The following SPATA24 variants were observed in gnomAD, a reference collection of about 807,000 sequenced individuals.
The protein encoded by SPATA24 is spermatogenesis associated 24.
A neutral mutation model predicts 28.9 loss-of-function variants in SPATA24; 21 were observed. The ratio of observed to expected loss-of-function variants is 0.73; its 90% confidence interval spans 0.52 to 1.05. The LOEUF (loss-of-function observed/expected upper bound fraction) is 1.05. SPATA24 is among the 50% of genes least tolerant of loss of function. The pLI, the probability that SPATA24 is intolerant of heterozygous loss-of-function variation, is 0.00. For synonymous variants in SPATA24, 76 were observed against 89.9 expected, an observed-to-expected ratio of 0.85 and a Z score of 0.88; for missense variants, 215 against 242.9, an observed-to-expected ratio of 0.88 and a Z score of 0.76.
At chr5:139,396,446 T>C (rs1003964055), downstream of SPATA24, 1 of 1,123,954 alleles carries the variant, frequency 8.9e-7, no homozygotes, top group Admixed American at 4.5e-5. Context: ...GAAACTGACT[T>C]CCCAAATTCC....
At chr5:139,393,472 G>A, downstream of SPATA24, 1 of 1,551,674 alleles carries the variant, frequency 6.4e-7, no homozygotes, top group Non-Finnish European at 8.7e-7. Flanking sequence ...CCCATTCTGA[G>A]CTTCCTGAGT....
At chr5:139,393,537 G>A (rs1472709170), downstream of SPATA24, 2 of 1,551,288 alleles carry the variant, frequency 1.3e-6, no homozygotes. Context: ...GGGGAGATGG[G>A]CCCCAAGTTC....
At position 139,399,951 on chromosome 5, in the gene SPATA24, T is replaced by C. The variant is rs374527177; in HGVS notation, c.385+1804A>G. ...CCAGGAAAGAACCCCAGGTTCTTTT[T>C]TGGGAAGTAAGGGGATGCCCAGGGA... is the stretch of plus-strand genomic sequence containing the variant. On this transcript the variant is annotated intron_variant, in intron 4 of 5. Coordinates refer to ENST00000450845, the MANE Select transcript of SPATA24 (RefSeq NM_194296.2). Among the ~76,000 whole-genome samples the C allele has an allele frequency of 1.1e-4, 17 of 152,272 alleles. No individual in the cohort carries two copies. In the East Asian group the frequency reaches 1.7e-3, roughly 16 times the overall value.
At chr5:139,397,804 C>T (rs1181205034) in intron 4 of SPATA24, among the ~76,000 whole-genome samples, 1 of 152,232 alleles carries the variant, frequency 6.6e-6, no homozygotes, top group Non-Finnish European at 1.5e-5. Context: ...ATCCACCCAC[C>T]TCAGCCTCCC....
rs974164578 is a variant in SPATA24 at position 139,404,072 on chromosome 5, G to T, written c.-12C>A. On this transcript the variant is annotated 5_prime_UTR_variant, in exon 1 of 6. Transcript: ENST00000450845. ...AGGGGCGTCGCCATCTTCCGCCCCC[G>T]CCAGCTAGTTGGAAATGGCTGCCTC... 6.5e-7 allele frequency: 1 copy of T among 1,547,700 alleles called. No homozygotes were observed.
At chr5:139,400,803 C>T (rs1043044873) in intron 4 of SPATA24, among the ~76,000 whole-genome samples, 2 of 152,168 alleles carry the variant, frequency 1.3e-5, no homozygotes, top group African/African-American at 2.4e-5. Flanking sequence ...TTGGCCTACA[C>T]GATAGTTTTA....
downstream of SPATA24, chr5:139,396,105 G>GC: frequency 2.2e-6 from 2 of 903,140 alleles, no homozygotes; most frequent in Non-Finnish European, 2.6e-6. Context: ...CAAGAGCACT[G>GC]CCCCCTCCTG....
At chr5:139,395,289 T>C (rs1225253246), downstream of SPATA24, 1 of 432,972 alleles carries the variant, frequency 2.3e-6, no homozygotes, top group Non-Finnish European at 3.9e-6. Context: ...AACCCCCTTC[T>C]CAGGCACAAG....
At chr5:139,393,974 C>A (rs753756248), downstream of SPATA24, 2 of 1,550,626 alleles carry the variant, frequency 1.3e-6, no homozygotes, top group South Asian at 1.2e-5. Flanking sequence ...GGACTCCGTG[C>A]CCTCTGAACA....
downstream of SPATA24, chr5:139,395,458 TGCTGTGTGCAGTTCAG>T (rs1441901177): frequency 4.9e-6 from 1 of 206,028 alleles, no homozygotes; most frequent in African/African-American, 2.3e-5. Flanking sequence ...AGTCAGGCAC[TGCTGTGTGCAGTTCAG>T]GCTGTGAGCG....
At chr5:139,394,130 G>A (rs1758648887), downstream of SPATA24, 1 of 1,547,444 alleles carries the variant, frequency 6.5e-7, no homozygotes, top group South Asian at 1.2e-5. Flanking sequence ...CGCTCGCGGA[G>A]GCTGGGCCAC....
At chr5:139,396,629 A>T (rs1489440701), downstream of SPATA24, 1 of 1,475,532 alleles carries the variant, frequency 6.8e-7, no homozygotes, top group South Asian at 1.3e-5. Context: ...GGTGGTGCCT[A>T]CCAGACAACA....
At chr5:139,396,551 G>A (rs1758710290), downstream of SPATA24, 2 of 1,317,840 alleles carry the variant, frequency 1.5e-6, no homozygotes, top group East Asian at 6.8e-5. Context: ...GACACTGGGA[G>A]TGGGGTGGAA....
downstream of SPATA24, chr5:139,396,109 C>A: frequency 1.1e-6 from 1 of 909,818 alleles, no homozygotes. Context: ...AGCACTGCCC[C>A]CTCCTGTGCA....
downstream of SPATA24, chr5:139,393,014 C>G: frequency 6.6e-7 from 1 of 1,522,238 alleles, no homozygotes; most frequent in Non-Finnish European, 8.8e-7. Flanking sequence ...TGCGGCACCA[C>G]CGGTAGAAAA....
intron 2 of SPATA24, 28 bp downstream of exon 2, chr5:139,402,600 T>C (rs1758850061): frequency 1.3e-6 from 2 of 1,545,824 alleles, no homozygotes; most frequent in East Asian, 2.4e-5. Context: ...CGGGGGAAGA[T>C]TAGGAGACCG....
intron 4 of SPATA24, among the ~76,000 whole-genome samples, chr5:139,400,528 G>A (rs1326095333): frequency 6.6e-6 from 1 of 151,916 alleles, no homozygotes; most frequent in Non-Finnish European, 1.5e-5. Context: ...GGCTGGTCTC[G>A]AACTCCTGAC....
downstream of SPATA24, chr5:139,395,431 A>T (rs1581397645): frequency 4.0e-6 from 1 of 247,242 alleles, no homozygotes; most frequent in East Asian, 7.8e-5. Context: ...ACTGAAGCCC[A>T]GCAGGGATCC....
At chr5:139,401,664 G>T (rs374279730) in intron 4 of SPATA24, 91 bp downstream of exon 4, 36 of 1,367,032 alleles carry the variant, frequency 2.6e-5, no homozygotes, top group African/African-American at 2.3e-4. Context: ...ACAGGTGTTA[G>T]AGTGAAACCC....
Sources: allele counts gnomAD v4.1 joint callset (sites outside exome capture counted in the v4.1 genomes callset), GRCh38; gene constraint gnomAD v4.1.1; transcripts MANE v1.5; gene names NCBI Gene and HGNC (gene_info 2026-07-23, HGNC 2026-07-21).